The following TAFA5 variants were observed in gnomAD, a reference collection of about 807,000 sequenced individuals.
TAFA5 encodes TAFA chemokine like family member 5.
Under a neutral mutation model 15.3 loss-of-function variants are expected in TAFA5, and 6 were observed. The ratio of observed to expected loss-of-function variants is 0.39; its 90% CI spans 0.21 to 0.77. The LOEUF (loss-of-function observed/expected upper bound fraction) is 0.77, where lower values mean the gene tolerates loss of function less well. Ranked by LOEUF, TAFA5 falls within the 30% of genes least tolerant of loss-of-function variation. The pLI is 0.41. For missense variants in TAFA5, 161 were observed against 193.1 expected, an observed-to-expected ratio of 0.83 and a Z score of 0.98; for synonymous variants, 103 against 80.7, an observed-to-expected ratio of 1.28 and a Z score of -1.48.
chr22:48,502,118 C>T (rs1920955587), intron 1 of TAFA5, among the ~76,000 whole-genome samples: 1 of 152,194 alleles, frequency 6.6e-6, no homozygotes, highest in Non-Finnish European at 1.5e-5. Flanking sequence ...AAAATAGATA[C>T]CAGTTTTATG....
chr22:48,615,705 C>T (rs1286862028), intron 1 of TAFA5, among the ~76,000 whole-genome samples: 1 of 152,200 alleles, frequency 6.6e-6, no homozygotes, highest in African/African-American at 2.4e-5. Context: ...GCCCCCATCC[C>T]CCCCTCTCCA....
At chr22:48,602,108 A>G (rs569378173) in intron 1 of TAFA5, among the ~76,000 whole-genome samples, 1 of 150,476 alleles carries the variant, frequency 6.6e-6, no homozygotes, top group South Asian at 2.2e-4. Context: ...GAATGTGCCG[A>G]CTCCCCAGCC....
intron 2 of TAFA5, among the ~76,000 whole-genome samples, chr22:48,656,755 CTTTTTTTTTT>C (rs1223042941): frequency 2.7e-4 from 4 of 14,894 alleles, no homozygotes; most frequent in Non-Finnish European, 3.8e-4. Flanking sequence ...GATGGAGTCT[CTTTTTTTTTT>C]TTTTTTTTTT....
intron 1 of TAFA5, among the ~76,000 whole-genome samples, chr22:48,531,573 C>T (rs897305695): frequency 6.6e-6 from 1 of 152,160 alleles, no homozygotes; most frequent in Admixed American, 6.5e-5. Flanking sequence ...TTGGGGTAGC[C>T]GGCCTGCACC....
chr22:48,574,074 C>G (rs1923676616), intron 1 of TAFA5, among the ~76,000 whole-genome samples: 1 of 152,006 alleles, frequency 6.6e-6, no homozygotes, highest in Non-Finnish European at 1.5e-5. Flanking sequence ...TACCTTAGAT[C>G]TTTCCTAGAG....
At chr22:48,635,642 C>T (rs1479107379) in intron 1 of TAFA5, among the ~76,000 whole-genome samples, 1 of 152,360 alleles carries the variant, frequency 6.6e-6, no homozygotes, top group East Asian at 1.9e-4. Context: ...CACCCATGCT[C>T]AGTCCTGGCC....
chr22:48,642,555 C>T (rs998482394), intron 1 of TAFA5, among the ~76,000 whole-genome samples: 1 of 152,176 alleles, frequency 6.6e-6, no homozygotes, highest in Non-Finnish European at 1.5e-5. Context: ...AGGACCCTGT[C>T]CCTGCAGCCT....
At chr22:48,629,610 T>C (rs2147188058) in intron 1 of TAFA5, among the ~76,000 whole-genome samples, 1 of 152,320 alleles carries the variant, frequency 6.6e-6, no homozygotes, top group African/African-American at 2.4e-5. Context: ...TCACACTGCA[T>C]GGTCTCCACT....
At chr22:48,706,375 G>A (rs887272442) in intron 2 of TAFA5, among the ~76,000 whole-genome samples, 3 of 152,252 alleles carry the variant, frequency 2.0e-5, no homozygotes, top group African/African-American at 7.2e-5. Context: ...GGCGAGGAAG[G>A]GGAGGAAAAG....
intron 2 of TAFA5, among the ~76,000 whole-genome samples, chr22:48,668,807 C>T (rs9628593): frequency 0.35 from 52,863 of 150,990 alleles, 9,565 homozygotes; most frequent in Non-Finnish European, 0.4. Context: ...TGGGAGGACA[C>T]CACCTGGCTG....
intron 1 of TAFA5, among the ~76,000 whole-genome samples, chr22:48,602,885 G>A (rs899558605): frequency 2.6e-5 from 4 of 152,174 alleles, no homozygotes; most frequent in Admixed American, 6.5e-5. Context: ...TGAGACGTGC[G>A]GGGCTGGAGG....
chr22:48,694,518 T>A (rs1292599061), intron 2 of TAFA5, among the ~76,000 whole-genome samples: 1 of 152,138 alleles, frequency 6.6e-6, no homozygotes, highest in Non-Finnish European at 1.5e-5. Flanking sequence ...GCCAGTGCTC[T>A]GGGCCTGTTT....
intron 1 of TAFA5, among the ~76,000 whole-genome samples, chr22:48,640,842 GT>G (rs1389827042): frequency 2.0e-5 from 3 of 151,870 alleles, no homozygotes; most frequent in East Asian, 3.9e-4. Flanking sequence ...GACAACTTCT[GT>G]CTGAAGCTGA....
At chr22:48,715,060 A>G (rs975703930) in intron 3 of TAFA5, among the ~76,000 whole-genome samples, 16 of 152,212 alleles carry the variant, frequency 1.1e-4, no homozygotes, top group Admixed American at 2.6e-4. Flanking sequence ...AAGATCTTTC[A>G]CTAATCATGC....
intron 1 of TAFA5, among the ~76,000 whole-genome samples, chr22:48,524,657 C>T (rs139751382): frequency 3.3e-5 from 5 of 152,300 alleles, no homozygotes; most frequent in African/African-American, 7.2e-5. Context: ...ACGCAGGATC[C>T]GGCACACACG....
intron 1 of TAFA5, among the ~76,000 whole-genome samples, chr22:48,586,795 T>G (rs562703379): frequency 6.6e-6 from 1 of 152,204 alleles, no homozygotes; most frequent in South Asian, 2.1e-4. Context: ...CCCACTGTGT[T>G]CTCTAGAGAG....
chr22:48,655,756 G>A lies in TAFA5; in HGVS notation c.262+9010G>A, dbSNP rs186089145. 9.4e-4 allele frequency among the ~76,000 whole-genome samples: 143 copies of A among 152,000 alleles called. 4 individuals are homozygous for A. Among genetic ancestry groups the A allele is most frequent in the Non-Finnish European group, 1.5e-4 (10 of 67,990 alleles). ...GGTCCCCTGAGCGCTCTGAGCTGTG[G>A]GCAGAGAAGCAGAGGAGGGACAGTG... On this transcript the variant is annotated intron_variant, in intron 2 of 3. Transcript: ENST00000402357.
At chr22:48,554,362 G>GT (rs1922958057) in intron 1 of TAFA5, among the ~76,000 whole-genome samples, 1 of 152,118 alleles carries the variant, frequency 6.6e-6, no homozygotes, top group Admixed American at 6.5e-5. Flanking sequence ...TTCTGTAAGG[G>GT]TTTTTTAAAA....
chr22:48,632,846 G>T (rs1025900316), intron 1 of TAFA5, among the ~76,000 whole-genome samples: 3 of 152,196 alleles, frequency 2.0e-5, no homozygotes, highest in African/African-American at 7.2e-5. Context: ...CGGAGGCTGG[G>T]CTGGAGTGAG....
Sources: gnomAD v4.1 joint callset for allele counts (sites outside exome capture counted in the v4.1 genomes callset) on GRCh38, gnomAD v4.1.1 for gene constraint, MANE v1.5 for transcripts, NCBI Gene and HGNC (gene_info 2026-07-23, HGNC 2026-07-21) for gene names.